The following NUDT11 variants were observed in gnomAD, a reference collection of about 807,000 sequenced individuals.
NUDT11 encodes the protein diphosphoinositol polyphosphate phosphohydrolase 3-beta.
NUDT11 carries 1 observed loss-of-function variant against 10.0 expected under a neutral mutation model. The observed-to-expected ratio is 0.10, with a 90% confidence interval of 0.04 to 0.47. NUDT11 has a LOEUF of 0.47. NUDT11 is among the 20% of genes least tolerant of loss of function. The pLI is 0.96. For synonymous variants in NUDT11, 63 were observed against 65.9 expected (o/e 0.96, Z 0.21); for missense variants, 47 against 140.4 (o/e 0.33, Z 3.36).
intron 1 of NUDT11, among the ~76,000 whole-genome samples, 187 bp from the exon 2 acceptor site, chrX:51,491,936 T>A (rs1557326221): frequency 8.9e-6 from 1 of 112,226 alleles, no homozygotes; most frequent in East Asian, 2.8e-4. Flanking sequence ...AGCCAATGTA[T>A]ACCATGATGT....
Position 51,496,488 on chromosome X carries a change from T to G in NUDT11, c.-44A>C, listed in dbSNP as rs781931436. 3 of 1,160,514 alleles carry G rather than the reference T, an allele frequency of 2.6e-6. No individual in the cohort carries two copies. The Admixed American group carries it at 7.5e-5, about 29-fold the overall frequency. On this transcript the variant is annotated 5_prime_UTR_variant, in exon 1 of 2. Coordinates refer to ENST00000375992, the MANE Select transcript of NUDT11 (RefSeq NM_018159.4). ...GAGGCAGCCTCCTCTCGCCTCTCGC[T>G]GCTGTGTGGGCCGCCGCTGCCGCTG...
chrX:51,494,927 G>A (rs1925667880), intron 1 of NUDT11, among the ~76,000 whole-genome samples: 1 of 111,931 alleles, frequency 8.9e-6, no homozygotes, highest in African/African-American at 3.3e-5. Context: ...CTGGGAGTCA[G>A]GGAGGTTTAA....
At chrX:51,491,907 C>G (rs1447525832) in intron 1 of NUDT11, among the ~76,000 whole-genome samples, 158 bp from the exon 2 acceptor site, 1 of 112,363 alleles carries the variant, frequency 8.9e-6, no homozygotes, top group African/African-American at 3.2e-5. Context: ...GAGTCTGGAT[C>G]AGCAACTGAG....
In NUDT11 at chrX:51,496,049, G is replaced by A. The variant is rs1557326622; in HGVS notation, c.396C>T (p.His132=). 2 of 1,210,597 alleles carry A rather than the reference G, an allele frequency of 1.7e-6. No individual in the cohort carries two copies. Among genetic ancestry groups the A allele is most frequent in the African/African-American group, 1.7e-5 (1 of 57,803 alleles). The part of the protein sequence containing the change: ...VEDAIKVLQC[H]KPVHAEYLEK... Reference sequence around the variant, plus strand: ...CCAGATATTCGGCGTGCACGGGCTTGTGGCACTGGAGAACCTTGATGGCAT... The same window carrying A: ...CCAGATATTCGGCGTGCACGGGCTTATGGCACTGGAGAACCTTGATGGCAT... Residue 132 remains histidine, a synonymous_variant, in exon 1 of 2, where the codon CAC becomes CAT. Coordinates refer to ENST00000375992, the MANE Select transcript of NUDT11 (RefSeq NM_018159.4).
chrX:51,495,319 G>A (rs1557326537), intron 1 of NUDT11, among the ~76,000 whole-genome samples: 3 of 111,845 alleles, frequency 2.7e-5, no homozygotes, highest in Non-Finnish European at 5.6e-5. Context: ...AGCACAACAT[G>A]TAGGATTTCC....
At chrX:51,491,919 G>A (rs1402547809) in intron 1 of NUDT11, among the ~76,000 whole-genome samples, 170 bp from the exon 2 acceptor site, 3 of 112,230 alleles carry the variant, frequency 2.7e-5, no homozygotes, top group African/African-American at 9.7e-5. Context: ...GCAACTGAGG[G>A]GTTATAAGCC....
intron 1 of NUDT11, among the ~76,000 whole-genome samples, chrX:51,492,886 G>A (rs116565830): frequency 0.025 from 2,769 of 112,358 alleles, 71 homozygotes; most frequent in African/African-American, 0.085. Context: ...GAATTCTAGA[G>A]GTGAAAGCTC....
At chrX:51,492,876 GA>G (rs781919302) in intron 1 of NUDT11, among the ~76,000 whole-genome samples, 14 of 112,462 alleles carry the variant, frequency 1.2e-4, no homozygotes, top group African/African-American at 4.5e-4. Flanking sequence ...CCCCACAAGG[GA>G]ATTCTAGAGG....
rs1383865598 is a variant in NUDT11 at position 51,490,525 on chromosome X, C to T, written c.*1224G>A. 8.9e-6 allele frequency: 1 copy of T among 111,990 alleles called. No individual in the cohort carries two copies. Among genetic ancestry groups the T allele is most frequent in the African/African-American group, 3.2e-5 (1 of 30,793 alleles). 9.2% of individuals were successfully genotyped at this position (111,990 alleles called of 1,213,427 possible). A position where few individuals can be genotyped will look rare whatever the true frequency, so the allele number is the denominator to read the frequency against. Reference sequence around the variant, plus strand: ...ATATCACACATCCCATGGCAAACTCCGTAAGATTTCTTCTAAACATCTTTG... The same window carrying T: ...ATATCACACATCCCATGGCAAACTCTGTAAGATTTCTTCTAAACATCTTTG... On this transcript the variant is annotated 3_prime_UTR_variant, in exon 2 of 2. Transcript: ENST00000375992.
intron 1 of NUDT11, among the ~76,000 whole-genome samples, chrX:51,494,991 T>G (rs1419724524): frequency 9.0e-6 from 1 of 111,499 alleles, no homozygotes; most frequent in African/African-American, 3.3e-5. Flanking sequence ...AAAAACGAAC[T>G]TAAATCCAGA....
chrX:51,495,080 T>C (rs1925671055), intron 1 of NUDT11, among the ~76,000 whole-genome samples: 1 of 111,957 alleles, frequency 8.9e-6, no homozygotes, highest in Admixed American at 9.5e-5. Flanking sequence ...ATTCTGTGAA[T>C]ACGGTTTTTC....
rs1223311427 is a variant in NUDT11 at position 51,491,597 on chromosome X, A to T, written c.*152T>A. The T allele has an allele frequency of 1.2e-5, 6 of 495,962 alleles. No individual in the cohort carries two copies. The highest frequency in any genetic ancestry group is 2.2e-5 in the Non-Finnish European group (6 of 274,606). 40.9% of individuals were successfully genotyped at this position (495,962 alleles called of 1,213,427 possible). A position where few individuals can be genotyped will look rare whatever the true frequency, so the allele number is the denominator to read the frequency against. ...ACCAGAGCAAGAGTCAGTGGTATAG[A>T]CAGGGAAGGAGTGTCCCAAGATGCA... is the stretch of plus-strand genomic sequence containing the variant. On this transcript the variant is annotated 3_prime_UTR_variant, in exon 2 of 2. Transcript: ENST00000375992.
At position 51,491,506 on chromosome X, in the gene NUDT11, C is replaced by A. The variant is rs976172514; in HGVS notation, c.*243G>T. On this transcript the variant is annotated 3_prime_UTR_variant, in exon 2 of 2. Coordinates refer to ENST00000375992, the MANE Select transcript of NUDT11 (RefSeq NM_018159.4). ...CATAGTCTAATGAAGGCAGACACAT[C>A]AAAAAAGCACAACAAAAGGCTATAG... 1 of 340,544 alleles carries A rather than the reference C, an allele frequency of 2.9e-6. No homozygotes were observed. Among genetic ancestry groups the A allele is most frequent in the African/African-American group, 2.6e-5 (1 of 38,059 alleles). 28.1% of individuals were successfully genotyped at this position (340,544 alleles called of 1,213,427 possible).
intron 1 of NUDT11, 87 bp downstream of exon 1, chrX:51,495,864 G>A (rs1421222651): frequency 1.7e-6 from 2 of 1,144,876 alleles, no homozygotes; most frequent in Non-Finnish European, 1.2e-6. Flanking sequence ...CCGTGAGACC[G>A]CACATGGCAC....
intron 1 of NUDT11, among the ~76,000 whole-genome samples, chrX:51,492,004 A>C: frequency 8.9e-6 from 1 of 112,195 alleles, no homozygotes; most frequent in South Asian, 3.7e-4. Flanking sequence ...TGACCATTTA[A>C]GACATAAAAT....
chrX:51,495,925 T>A, intron 1 of NUDT11, 26 bp downstream of exon 1: 1 of 1,205,854 alleles, frequency 8.3e-7, no homozygotes, highest in Non-Finnish European at 1.1e-6. Context: ...CAAATAGAAG[T>A]CTGCGCGAGC....
chrX:51,494,812 T>C (rs373107351), intron 1 of NUDT11, among the ~76,000 whole-genome samples: 3 of 111,963 alleles, frequency 2.7e-5, no homozygotes, highest in Admixed American at 1.9e-4. Flanking sequence ...TTAAGAGAGA[T>C]TGTTCAGGAA....
Position 51,496,532 on chromosome X carries a change from C to G in NUDT11, c.-88G>C. ...GCCGCTGCCGCCGCCGGGGAACAGC[C>G]GAGGTGCTGGGAAGAGAAAGGGCCG... On this transcript the variant is annotated 5_prime_UTR_variant, in exon 1 of 2. Transcript: ENST00000375992. 4 of 1,168,276 alleles carry G rather than the reference C, an allele frequency of 3.4e-6. No homozygotes were observed. The highest frequency in any genetic ancestry group is 1.8e-5 in the African/African-American group (1 of 56,950).
chrX:51,490,477 T>C lies in NUDT11; in HGVS notation c.*1272A>G, dbSNP rs900401368. ...GCATATTAGAACCACTTTTGGTAAT[T>C]TGTAAGGAGCTGAAGACTGCTGATA... On this transcript the variant is annotated 3_prime_UTR_variant, in exon 2 of 2. Transcript: ENST00000375992. 3 of 111,479 alleles carry C rather than the reference T, an allele frequency of 2.7e-5. No individual in the cohort carries two copies. The highest frequency in any genetic ancestry group is 2.8e-4 in the East Asian group (1 of 3,561). The allele number at this position is 111,479 out of a possible 1,213,427, so 9.2% of individuals were successfully genotyped here.
Sources: gnomAD v4.1 joint callset for allele counts (sites outside exome capture counted in the v4.1 genomes callset) on GRCh38, gnomAD v4.1.1 for gene constraint, MANE v1.5 for transcripts, NCBI Gene and HGNC (gene_info 2026-07-23, HGNC 2026-07-21) for gene names.